Variants in RETREG1 observed in about 807,000 individuals in gnomAD.
RETREG1 encodes reticulophagy regulator 1, also known as family with sequence similarity 134 member B.
A neutral mutation model predicts 54.8 loss-of-function variants in RETREG1; 44 were observed. The ratio of observed to expected loss-of-function variants is 0.80; its 90% CI spans 0.63 to 1.03. RETREG1 has a LOEUF of 1.03. Ranked by LOEUF, RETREG1 falls within the 50% of genes least tolerant of loss-of-function variation. The pLI is 0.00. For synonymous variants in RETREG1, 217 were observed against 238.5 expected (o/e 0.91, Z 0.83); for missense variants, 554 against 605.1 (o/e 0.92, Z 0.89).
In RETREG1 at chr5:16,561,227, G is replaced by T. The variant is rs1741845774; in HGVS notation, c.458+4536C>A. 6.6e-6 allele frequency among the ~76,000 whole-genome samples: 1 copy of T among 152,206 alleles called. No individual in the cohort carries two copies. Among genetic ancestry groups the T allele is most frequent in the South Asian group, 2.1e-4 (1 of 4,832 alleles). On this transcript the variant is annotated intron_variant, in intron 3 of 8. Transcript: ENST00000306320. The surrounding 1 kb of genome is among the most constrained non-coding windows in gnomAD (Gnocchi z 4.2). ...TAAACGGTACTTCCCGCCGGGCGCA[G>T]TGGCTCACACCTGTAATCCCAGCAC...
At chr5:16,547,502 C>T (rs1741420621) in intron 3 of RETREG1, among the ~76,000 whole-genome samples, 2 of 152,150 alleles carry the variant, frequency 1.3e-5, no homozygotes, top group South Asian at 4.1e-4. Flanking sequence ...TGTTGAAAAC[C>T]ATGAGTATTA....
At chr5:16,500,211 C>G (rs1739646682) in intron 3 of RETREG1, among the ~76,000 whole-genome samples, 1 of 152,218 alleles carries the variant, frequency 6.6e-6, no homozygotes, top group African/African-American at 2.4e-5. Context: ...TGGAACATTC[C>G]CTACACCACC....
chr5:16,519,465 C>A (rs1365339122), intron 3 of RETREG1, among the ~76,000 whole-genome samples: 1 of 152,152 alleles, frequency 6.6e-6, no homozygotes, highest in Non-Finnish European at 1.5e-5. Context: ...ATCTGGACAG[C>A]CAGCAGGAGA....
intron 1 of RETREG1, among the ~76,000 whole-genome samples, chr5:16,607,864 A>T (rs1412204654): frequency 1.9e-5 from 2 of 106,112 alleles, no homozygotes; most frequent in Admixed American, 2.1e-4. Flanking sequence ...CCTCCCCTCC[A>T]CTCTCACTGT....
chr5:16,546,800 T>C (rs1331607514), intron 3 of RETREG1, among the ~76,000 whole-genome samples: 1 of 152,188 alleles, frequency 6.6e-6, no homozygotes, highest in Non-Finnish European at 1.5e-5. Context: ...CATGGACTTG[T>C]TCCCTTCATG....
intron 3 of RETREG1, among the ~76,000 whole-genome samples, chr5:16,547,790 A>G (rs1261747350): frequency 6.6e-6 from 1 of 152,228 alleles, no homozygotes; most frequent in Non-Finnish European, 1.5e-5. Flanking sequence ...CAATTTTATA[A>G]TCTGATGTTA....
chr5:16,589,999 G>A (rs1175475282), intron 1 of RETREG1, among the ~76,000 whole-genome samples: 1 of 152,210 alleles, frequency 6.6e-6, no homozygotes, highest in Non-Finnish European at 1.5e-5. Flanking sequence ...GGAAGAGGAT[G>A]TCCATGCTCA....
intron 3 of RETREG1, among the ~76,000 whole-genome samples, chr5:16,497,182 G>A (rs1017717620): frequency 5.3e-5 from 8 of 152,150 alleles, no homozygotes; most frequent in South Asian, 2.1e-4. Context: ...ACACTCTGAC[G>A]AGGTGGGTAA....
chr5:16,581,076 C>A (rs1013832460), intron 1 of RETREG1, among the ~76,000 whole-genome samples: 2 of 152,180 alleles, frequency 1.3e-5, no homozygotes. Context: ...TTGACAGCCA[C>A]AGTGGAACAC....
At chr5:16,476,174 G>C (rs183068547) in intron 8 of RETREG1, among the ~76,000 whole-genome samples, 1 of 152,094 alleles carries the variant, frequency 6.6e-6, no homozygotes, top group South Asian at 2.1e-4. Context: ...TATGTCACCC[G>C]TTCAAGGTCA....
intron 3 of RETREG1, among the ~76,000 whole-genome samples, chr5:16,501,571 T>C (rs162842): frequency 0.55 from 82,909 of 151,862 alleles, 22,817 homozygotes; most frequent in Middle Eastern, 0.6. Context: ...GACACAAAGT[T>C]GCTCTCTGTT....
At chr5:16,511,284 C>T (rs1740166940) in intron 3 of RETREG1, among the ~76,000 whole-genome samples, 1 of 152,192 alleles carries the variant, frequency 6.6e-6, no homozygotes, top group African/African-American at 2.4e-5. Context: ...GGAGCCTCAG[C>T]TCCCAGTCAG....
intron 3 of RETREG1, among the ~76,000 whole-genome samples, chr5:16,517,156 G>A (rs1011402370): frequency 6.6e-6 from 1 of 152,210 alleles, no homozygotes; most frequent in South Asian, 2.1e-4. Context: ...ATATCTAATA[G>A]GAGTCTTGGA....
chr5:16,572,168 TA>T, intron 1 of RETREG1, 66 bp from the exon 2 acceptor site: 1 of 1,135,838 alleles, frequency 8.8e-7, no homozygotes, highest in Middle Eastern at 1.9e-4. Context: ...AAATTGGGTT[TA>T]CTTCCTGCCA....
intron 3 of RETREG1, among the ~76,000 whole-genome samples, chr5:16,539,452 G>C (rs1350733796): frequency 2.6e-5 from 4 of 152,134 alleles, no homozygotes; most frequent in African/African-American, 9.7e-5. Context: ...ATAATTTCCA[G>C]AACATGTTTC....
At chr5:16,507,279 A>T (rs1254087257) in intron 3 of RETREG1, among the ~76,000 whole-genome samples, 1 of 152,238 alleles carries the variant, frequency 6.6e-6, no homozygotes, top group African/African-American at 2.4e-5. Flanking sequence ...AGTATGTATT[A>T]AAAATGCCTG....
intron 1 of RETREG1, among the ~76,000 whole-genome samples, chr5:16,581,745 GA>G (rs924247339): frequency 9.5e-4 from 97 of 101,584 alleles, no homozygotes; most frequent in Admixed American, 2.2e-3. Flanking sequence ...CCAATTAAAA[GA>G]AAAAAAACGA....
chr5:16,616,551 C>T, intron 1 of RETREG1, 101 bp downstream of exon 1: 6 of 1,503,764 alleles, frequency 4.0e-6, no homozygotes, highest in South Asian at 1.2e-5. Context: ...ATTCTTCCTC[C>T]GCAGTGTCCC....
chr5:16,566,994 A>G (rs1313403309), intron 2 of RETREG1, among the ~76,000 whole-genome samples: 1 of 152,232 alleles, frequency 6.6e-6, no homozygotes, highest in Non-Finnish European at 1.5e-5. Context: ...CCAAGAGTGG[A>G]GAAAGTAGAT....
Sources: allele counts gnomAD v4.1 joint callset (sites outside exome capture counted in the v4.1 genomes callset), GRCh38; gene constraint gnomAD v4.1.1; non-coding constraint Gnocchi (gnomAD v3.1); transcripts MANE v1.5; gene names NCBI Gene and HGNC (gene_info 2026-07-23, HGNC 2026-07-21).